The following HLA-F variants were observed in gnomAD, a reference collection of about 807,000 sequenced individuals.
HLA-F encodes the protein major histocompatibility complex, class I, F.
In HLA-F, 46 loss-of-function variants were observed where a neutral mutation model predicts 49.5. The ratio of observed to expected loss-of-function variants is 0.93; its 90% CI spans 0.73 to 1.19. The LOEUF (loss-of-function observed/expected upper bound fraction) is 1.19, where lower values mean the gene tolerates loss of function less well. HLA-F is among the 50% of genes most tolerant of loss of function. HLA-F has a pLI of 0.00. For missense variants in HLA-F, 496 were observed against 579.6 expected (o/e 0.86, Z 1.48); for synonymous variants, 203 against 233.5 (o/e 0.87, Z 1.19).
At chr6:29,724,959 G>T (rs968912807) in intron 3 of HLA-F, 72 bp from the exon 4 acceptor site, 1 of 1,542,014 alleles carries the variant, frequency 6.5e-7, no homozygotes, top group East Asian at 2.3e-5. Flanking sequence ...CCATTCTCAG[G>T]TTGGTCACAT....
downstream of HLA-F, among the ~76,000 whole-genome samples, chr6:29,731,642 A>C (rs1330253451): frequency 6.6e-6 from 1 of 152,164 alleles, no homozygotes; most frequent in Non-Finnish European, 1.5e-5. Flanking sequence ...TCAGTCACTC[A>C]CATGCCAATC....
Position 29,724,172 on chromosome 6 carries a change from G to C in HLA-F, c.335-1G>C. ...CGGGGCTGACTGCGGGGACCGGCTA[G>C]GGTCTCACACCCTCCAGGGAATGAA... On this transcript the variant is annotated splice_acceptor_variant, in intron 2 of 6. Transcript: ENST00000259951. LOFTEE classifies it high-confidence loss of function. 6.2e-7 allele frequency: 1 copy of C among 1,612,732 alleles called. No homozygotes were observed. The highest frequency in any genetic ancestry group is 8.5e-7 in the Non-Finnish European group (1 of 1,179,900).
chr6:29,725,418 G>C lies in HLA-F; in HGVS notation c.887-29G>C, dbSNP rs747340543. On this transcript the variant is annotated intron_variant, in intron 4 of 6. Transcript: ENST00000259951. ...GGTCAGGGCTGAGGCCTGGAGATCA[G>C]GGCCCCTCACCTTCCCTTCCTTTCC... The C allele has an allele frequency of 3.1e-6, 5 of 1,610,736 alleles. No homozygotes were observed. The African/African-American group carries it at 4.0e-5, about 13-fold the overall frequency.
In HLA-F at chr6:29,724,249, C is replaced by T. The variant is rs546332495; in HGVS notation, c.411C>T (p.His137=). 1 of 1,613,256 alleles carries T rather than the reference C, an allele frequency of 6.2e-7. No individual in the cohort carries two copies. Among genetic ancestry groups the T allele is most frequent in the Non-Finnish European group, 8.5e-7 (1 of 1,180,036 alleles). ...GCCTCCTCCGCGGGTATCACCAGCACGCGTACGACGGCAAGGATTACATCT... is the reference window on the plus strand; with the variant it reads ...GCCTCCTCCGCGGGTATCACCAGCATGCGTACGACGGCAAGGATTACATCT... ...DGRLLRGYHQ[H]AYDGKDYISL... Residue 137 remains histidine (H), a synonymous_variant, in exon 3 of 7, where the codon CAC becomes CAT. Transcript: ENST00000259951.
chr6:29,726,365 G>C (rs1776078916), intron 6 of HLA-F: 1 of 1,608,758 alleles, frequency 6.2e-7, no homozygotes, highest in Non-Finnish European at 8.5e-7. Context: ...CTCTCACTGT[G>C]ACTGATACGA....
At chr6:29,724,117 T>G in intron 2 of HLA-F, 56 bp from the exon 3 acceptor site, 1 of 1,597,656 alleles carries the variant, frequency 6.3e-7, no homozygotes, top group Non-Finnish European at 8.5e-7. Context: ...TCCCCGCGGG[T>G]TGGGCGGGGA....
downstream of HLA-F, chr6:29,728,384 C>T (rs970432063): frequency 2.6e-5 from 8 of 310,130 alleles, no homozygotes; most frequent in African/African-American, 1.7e-4. Flanking sequence ...AGACTGCATG[C>T]AGAAGTGATG....
At chr6:29,727,494 G>A (rs376251848), downstream of HLA-F, among the ~76,000 whole-genome samples, 1 of 152,112 alleles carries the variant, frequency 6.6e-6, no homozygotes, top group Admixed American at 6.5e-5. Context: ...CCAAATACCT[G>A]TGGAATCTTC....
At chr6:29,726,316 G>A in intron 6 of HLA-F, 13 of 1,402,414 alleles carry the variant, frequency 9.3e-6, no homozygotes, top group Non-Finnish European at 1.3e-5. Context: ...TCTTTGACTT[G>A]GATGTCTTGA....
At chr6:29,727,847 C>T (rs1045723867), downstream of HLA-F, 31 of 447,010 alleles carry the variant, frequency 6.9e-5, no homozygotes, top group African/African-American at 5.8e-4. Context: ...AGGTTCTGAG[C>T]TCCAGACCTT....
downstream of HLA-F, among the ~76,000 whole-genome samples, chr6:29,731,278 T>TAGATAGATAGATAGATAGAG (rs1554229368): frequency 2.0e-5 from 3 of 151,042 alleles, no homozygotes; most frequent in East Asian, 2.0e-4. Flanking sequence ...GATAGATAGA[T>TAGATAGATAGATAGATAGAG]AGACAAGAGG....
chr6:29,727,159 T>C lies in HLA-F; in HGVS notation c.1313T>C (p.Ile438Thr). Residue 438 changes from isoleucine (I) to threonine (T), a missense_variant, in exon 7 of 7, where the codon ATT becomes ACT. Ile to Thr is a moderately conservative substitution (Grantham distance 89). Transcript: ENST00000259951. The part of the protein sequence containing the change: ...SWHHLMKRVQ[I>T]KIFD ...CACCATCTTATGAAAAGGGTCCAGATTAAGATTTTTGACTGAGTCATTCTA... is the reference window on the plus strand; with the variant it reads ...CACCATCTTATGAAAAGGGTCCAGACTAAGATTTTTGACTGAGTCATTCTA... The C allele has an allele frequency of 6.3e-7, 1 of 1,588,584 alleles. No homozygotes were observed. The highest frequency in any genetic ancestry group is 8.5e-7 in the Non-Finnish European group (1 of 1,172,336).
At position 29,723,864 on chromosome 6, in the gene HLA-F, A is replaced by G; in HGVS notation, c.271A>G (p.Asn91Asp). 1 of 1,598,182 alleles carries G rather than the reference A, an allele frequency of 6.3e-7. No individual in the cohort carries two copies. Among genetic ancestry groups the G allele is most frequent in the South Asian group, 1.1e-5 (1 of 89,114 alleles). Residue 91 changes from asparagine to aspartate, a missense_variant, in exon 2 of 7, where the codon AAC (asparagine) becomes GAC (aspartate). Transcript: ENST00000259951. Reference sequence around the variant, plus strand: ...GTGGACCACAGGGTACGCCAAGGCCAACGCACAGACTGACCGAGTGGCCCT... The same window carrying G: ...GTGGACCACAGGGTACGCCAAGGCCGACGCACAGACTGACCGAGTGGCCCT... ...WEWTTGYAKA[N>D]AQTDRVALRN...
chr6:29,728,182 A>G (rs1776285807), downstream of HLA-F: 3 of 439,232 alleles, frequency 6.8e-6, no homozygotes, highest in Admixed American at 7.2e-5. Flanking sequence ...CAGCCCCAAT[A>G]CCAAGATTGC....
In HLA-F at chr6:29,725,340, G is replaced by C. The variant is rs563745934; in HGVS notation, c.886+34G>C. 81 of 1,613,106 alleles carry C rather than the reference G, an allele frequency of 5.0e-5. No homozygotes were observed. The East Asian group carries it at 1.7e-3, about 35-fold the overall frequency. On this transcript the variant is annotated intron_variant, in intron 4 of 6. Transcript: ENST00000259951. ...GGAGATGGGTAAAGAGGGGAACGAG[G>C]GGTCATGTCTTTTCTCAGGGAAAGC...
chr6:29,738,015 A>C (rs1487070228), intron 3 of HLA-F: 1 of 152,264 alleles, frequency 6.6e-6, no homozygotes, highest in Non-Finnish European at 1.5e-5. Flanking sequence ...CATGGGAGTG[A>C]GGCTTGGTCC....
chr6:29,728,052 T>C (rs748999359), downstream of HLA-F: 8 of 518,920 alleles, frequency 1.5e-5, no homozygotes, highest in Non-Finnish European at 2.7e-5. Flanking sequence ...GAAAAATGTT[T>C]TGTTGCCATG....
chr6:29,723,579 C>A, intron 1 of HLA-F, 52 bp downstream of exon 1: 1 of 1,597,920 alleles, frequency 6.3e-7, no homozygotes, highest in Admixed American at 1.8e-5. Context: ...AGTGAGGGGC[C>A]CGCCCGGTGG....
Position 29,726,932 on chromosome 6 carries a change from A to C in HLA-F, c.1086A>C (p.Leu362Phe). ...GNLMITWWSS[L>F]FLLGVLFQGY... ...TGATGATAACATGGTGGTCAAGCTTATTTCTCCTGGGGGTGCTCTTCCAAG... is the reference window on the plus strand; with the variant it reads ...TGATGATAACATGGTGGTCAAGCTTCTTTCTCCTGGGGGTGCTCTTCCAAG... The change falls in exon 7 of 7, where the codon TTA becomes TTC. Residue 362 changes from leucine (L) to phenylalanine (F), a missense_variant. Leu to Phe is a conservative substitution (Grantham distance 22, BLOSUM62 0). Transcript: ENST00000259951. 3.7e-6 allele frequency: 6 copies of C among 1,609,658 alleles called. No homozygotes were observed. The highest frequency in any genetic ancestry group is 5.1e-6 in the Non-Finnish European group (6 of 1,179,892).
Sources: allele counts gnomAD v4.1 joint callset (sites outside exome capture counted in the v4.1 genomes callset), GRCh38; gene constraint gnomAD v4.1.1; transcripts MANE v1.5; gene names NCBI Gene and HGNC (gene_info 2026-07-23, HGNC 2026-07-21).